The following CDC40 variants were observed in gnomAD, a reference collection of about 807,000 sequenced individuals.
The protein encoded by CDC40 is cell division cycle 40, also known as pre-mRNA-processing factor 17.
CDC40 carries 27 observed loss-of-function variants against 80.6 expected under a neutral mutation model. The ratio of observed to expected loss-of-function variants is 0.33; its 90% CI spans 0.25 to 0.46. CDC40 has a LOEUF of 0.46. CDC40 is among the 20% of genes least tolerant of loss of function. The probability of loss-of-function intolerance (pLI) is 1.00; values close to 1 mark genes in which losing one functional copy is unlikely to be tolerated. For synonymous variants in CDC40, 221 were observed against 232.6 expected (o/e 0.95, Z 0.45); for missense variants, 486 against 694.1 (o/e 0.70, Z 3.37).
chr6:110,219,883 A>G lies in CDC40; in HGVS notation c.1340+14A>G, dbSNP rs367858511. The G allele has an allele frequency of 1.2e-6, 2 of 1,609,194 alleles. No homozygotes were observed. The highest frequency in any genetic ancestry group is 1.7e-6 in the Non-Finnish European group (2 of 1,178,124). ...AGTTTGGGAATGGTGAGTTTCCATC[A>G]GTAGAAAATCTGATTTACATAAAGC... On this transcript the variant is annotated intron_variant, in intron 12 of 14. Transcript: ENST00000307731.
chr6:110,201,688 G>A lies in CDC40; in HGVS notation c.406+1G>A, dbSNP rs761118671. Reference sequence around the variant, plus strand: ...CAAAGGAGAACTTTTGCAACATATGGTAAGGTGATAAGACTTAAGCAGTTT... The same window carrying A: ...CAAAGGAGAACTTTTGCAACATATGATAAGGTGATAAGACTTAAGCAGTTT... On this transcript the variant is annotated splice_donor_variant, in intron 3 of 14. Coordinates refer to ENST00000307731, the MANE Select transcript of CDC40 (RefSeq NM_015891.3). LOFTEE classifies it high-confidence loss of function. 6.2e-7 allele frequency: 1 copy of A among 1,613,230 alleles called. No homozygotes were observed. The highest frequency in any genetic ancestry group is 1.7e-5 in the Admixed American group (1 of 59,976).
At position 110,210,796 on chromosome 6, in the gene CDC40, C is replaced by G; in HGVS notation, c.720C>G (p.Ile240Met). ...AGAAACCTGGGGAGGAGAAGACAAT[C>G]TTACATGGTAACATATTTTTTGTAC... ...EEEKPGEEKT[I>M]LHVKEMYDYQ... Residue 240 changes from isoleucine (I) to methionine (M), a missense_variant, in exon 6 of 15, where the codon ATC (isoleucine) becomes ATG (methionine). Transcript: ENST00000307731. The G allele has an allele frequency of 6.5e-7, 1 of 1,532,902 alleles. No individual in the cohort carries two copies. The highest frequency in any genetic ancestry group is 8.8e-7 in the Non-Finnish European group (1 of 1,135,866). 95.0% of individuals were successfully genotyped at this position (1,532,902 alleles called of 1,614,324 possible). A position where few individuals can be genotyped will look rare whatever the true frequency, so the allele number is the denominator to read the frequency against.
chr6:110,225,139 C>CTGGA (rs945393592), intron 12 of CDC40, among the ~76,000 whole-genome samples: 91 of 152,282 alleles, frequency 6.0e-4, no homozygotes, highest in African/African-American at 2.1e-3. Context: ...CCTCCTTCTG[C>CTGGA]TGGATGGATG....
intron 8 of CDC40, among the ~76,000 whole-genome samples, chr6:110,214,573 T>A (rs1255306396): frequency 2.6e-5 from 4 of 152,158 alleles, no homozygotes; most frequent in African/African-American, 9.7e-5. Flanking sequence ...ATGATTGCAG[T>A]CATGAGCAAG....
At chr6:110,185,240 T>TA (rs1777249917) in intron 1 of CDC40, among the ~76,000 whole-genome samples, 2 of 134,892 alleles carry the variant, frequency 1.5e-5, no homozygotes, top group African/African-American at 5.7e-5. Context: ...CATCTTTTTT[T>TA]CTTTTTTTTT....
intron 12 of CDC40, among the ~76,000 whole-genome samples, chr6:110,223,473 C>CA (rs58274093): frequency 0.12 from 18,525 of 152,034 alleles, 1,153 homozygotes; most frequent in South Asian, 0.19. Context: ...AAATAGGAAG[C>CA]AAAACCAACT....
chr6:110,183,515 G>A (rs1471195361), intron 1 of CDC40, among the ~76,000 whole-genome samples: 1 of 152,158 alleles, frequency 6.6e-6, no homozygotes, highest in Non-Finnish European at 1.5e-5. Flanking sequence ...GGTAGAGCTG[G>A]GGCTAGTCCA....
At chr6:110,229,017 G>A in intron 14 of CDC40, 41 bp downstream of exon 14, 1 of 1,494,316 alleles carries the variant, frequency 6.7e-7, no homozygotes. Flanking sequence ...ATTCAAATAT[G>A]ATTATATAAA....
At chr6:110,212,349 G>C (rs1777647822) in intron 7 of CDC40, 77 bp downstream of exon 7, 1 of 1,422,028 alleles carries the variant, frequency 7.0e-7, no homozygotes, top group East Asian at 2.3e-5. Flanking sequence ...TGTTGATGTG[G>C]AACATTTAGT....
At chr6:110,202,088 T>C (rs1489525248) in intron 3 of CDC40, among the ~76,000 whole-genome samples, 2 of 152,216 alleles carry the variant, frequency 1.3e-5, no homozygotes, top group Non-Finnish European at 2.9e-5. Context: ...TCAAATCTTA[T>C]CTTGGAAATG....
intron 10 of CDC40, among the ~76,000 whole-genome samples, 184 bp downstream of exon 10, chr6:110,217,987 G>A (rs958561036): frequency 1.3e-5 from 2 of 152,322 alleles, no homozygotes; most frequent in Admixed American, 6.5e-5. Flanking sequence ...CTCTTTCACT[G>A]TGAAACTTGT....
intron 2 of CDC40, among the ~76,000 whole-genome samples, chr6:110,194,078 A>T (rs1315489191): frequency 6.6e-6 from 1 of 152,100 alleles, no homozygotes; most frequent in African/African-American, 2.4e-5. Context: ...CTGTCTCCTG[A>T]TGAAAAAAAC....
In CDC40 at chr6:110,215,276, T is replaced by C. The variant is rs1045314997; in HGVS notation, c.943-10T>C. 6.2e-7 allele frequency: 1 copy of C among 1,610,992 alleles called. No individual in the cohort carries two copies. Among genetic ancestry groups the C allele is most frequent in the Non-Finnish European group, 8.5e-7 (1 of 1,177,178 alleles). On this transcript the variant is annotated splice_polypyrimidine_tract_variant and intron_variant, in intron 8 of 14. Coordinates refer to ENST00000307731, the MANE Select transcript of CDC40 (RefSeq NM_015891.3). ...TAATATTTCCATGTGTTGTTTTTTTTCTCCCCCAGCTATGGGAGGTTTATG... is the reference window on the plus strand; with the variant it reads ...TAATATTTCCATGTGTTGTTTTTTTCCTCCCCCAGCTATGGGAGGTTTATG...
At chr6:110,220,313 G>T (rs1777751928) in intron 12 of CDC40, among the ~76,000 whole-genome samples, 1 of 152,008 alleles carries the variant, frequency 6.6e-6, no homozygotes, top group Non-Finnish European at 1.5e-5. Flanking sequence ...AATGCCCCAT[G>T]TATTAGTCTG....
chr6:110,220,577 T>C (rs1487091725), intron 12 of CDC40, among the ~76,000 whole-genome samples: 1 of 151,410 alleles, frequency 6.6e-6, no homozygotes, highest in Non-Finnish European at 1.5e-5. Flanking sequence ...CCCAAGTAGC[T>C]GGGACTACAG....
At chr6:110,220,812 T>C (rs1403441005) in intron 12 of CDC40, among the ~76,000 whole-genome samples, 1 of 152,142 alleles carries the variant, frequency 6.6e-6, no homozygotes, top group East Asian at 1.9e-4. Flanking sequence ...GGTTTCACTT[T>C]ATAAAACCAT....
At position 110,213,073 on chromosome 6, in the gene CDC40, T is replaced by C; in HGVS notation, c.868-13T>C. 6.4e-7 allele frequency: 1 copy of C among 1,566,044 alleles called. No individual in the cohort carries two copies. On this transcript the variant is annotated splice_polypyrimidine_tract_variant and intron_variant, in intron 7 of 14. Transcript: ENST00000307731. ...GAATGCTTCTGGTTGATAACTGTAA[T>C]ACCTTTTTATAGGGCGTCAGTGCAG...
intron 1 of CDC40, among the ~76,000 whole-genome samples, chr6:110,181,378 G>A (rs188260578): frequency 9.8e-5 from 15 of 152,340 alleles, no homozygotes; most frequent in Non-Finnish European, 2.1e-4. Flanking sequence ...AAAAGCTGAT[G>A]TGTCTGGAGC....
At chr6:110,201,411 G>A in intron 2 of CDC40, 147 bp from the exon 3 acceptor site, 1 of 504,138 alleles carries the variant, frequency 2.0e-6, no homozygotes, top group Non-Finnish European at 3.4e-6. Flanking sequence ...TTGCCCAGCT[G>A]CACTGAACCG....
Sources: gnomAD v4.1 joint callset for allele counts (sites outside exome capture counted in the v4.1 genomes callset) on GRCh38, gnomAD v4.1.1 for gene constraint, MANE v1.5 for transcripts, NCBI Gene and HGNC (gene_info 2026-07-23, HGNC 2026-07-21) for gene names.